TNIK: variants seen among roughly 807,000 people sequenced by gnomAD.
The protein encoded by TNIK is TRAF2 and NCK interacting kinase.
Under a neutral mutation model 191.3 loss-of-function variants are expected in TNIK, and 49 were observed. That is an observed-to-expected ratio of 0.26 (90% CI 0.20 to 0.32). The LOEUF (loss-of-function observed/expected upper bound fraction) is 0.32. Among genes scored for constraint, TNIK ranks in the 10% least tolerant of loss-of-function variants. TNIK has a pLI of 1.00. For synonymous variants in TNIK, 594 were observed against 600.9 expected (o/e 0.99, Z 0.17); for missense variants, 1,155 against 1,702.3 (o/e 0.68, Z 5.66).
intron 2 of TNIK, among the ~76,000 whole-genome samples, chr3:171,326,954 G>A (rs1167763452): frequency 1.3e-5 from 2 of 152,064 alleles, no homozygotes; most frequent in East Asian, 3.9e-4. Context: ...ACTCCTACAG[G>A]ATGCCTACCC....
At chr3:171,350,472 C>T (rs1712968349) in intron 2 of TNIK, among the ~76,000 whole-genome samples, 2 of 151,840 alleles carry the variant, frequency 1.3e-5, no homozygotes, top group Non-Finnish European at 2.9e-5. Flanking sequence ...ATGCCACATT[C>T]AAATATTTTC....
At chr3:171,185,767 C>T (rs138968400) in intron 7 of TNIK, among the ~76,000 whole-genome samples, 7 of 152,322 alleles carry the variant, frequency 4.6e-5, no homozygotes, top group African/African-American at 1.4e-4. Flanking sequence ...ATCTTAGACA[C>T]ATCAAAAAAT....
intron 1 of TNIK, among the ~76,000 whole-genome samples, chr3:171,454,972 GAA>G (rs1728623082): frequency 6.6e-6 from 1 of 152,166 alleles, no homozygotes; most frequent in South Asian, 2.1e-4. Context: ...CATAAAGAGA[GAA>G]AACTTTTTTT....
At chr3:171,342,209 G>C (rs1475352427) in intron 2 of TNIK, among the ~76,000 whole-genome samples, 2 of 152,200 alleles carry the variant, frequency 1.3e-5, no homozygotes, top group East Asian at 3.8e-4. Context: ...ACAAACAGCT[G>C]GGTCCCAATC....
chr3:171,089,102 A>C (rs1446606584), intron 23 of TNIK, among the ~76,000 whole-genome samples: 1 of 152,154 alleles, frequency 6.6e-6, no homozygotes, highest in African/African-American at 2.4e-5. Flanking sequence ...AGCTCCTGTA[A>C]TGGTGCATGT....
At chr3:171,161,142 G>C in intron 11 of TNIK, 128 bp downstream of exon 11, 1 of 834,232 alleles carries the variant, frequency 1.2e-6, no homozygotes, top group Non-Finnish European at 1.8e-6. Flanking sequence ...ATGTTCATGG[G>C]CAATAAATTA....
intron 9 of TNIK, among the ~76,000 whole-genome samples, chr3:171,171,494 A>G (rs779720234): frequency 1.3e-5 from 2 of 152,242 alleles, no homozygotes; most frequent in African/African-American, 2.4e-5. Flanking sequence ...GCACACCTGC[A>G]TCTGAAGCAT....
chr3:171,220,897 A>G (rs1227538286), intron 3 of TNIK, among the ~76,000 whole-genome samples: 2 of 152,196 alleles, frequency 1.3e-5, no homozygotes, highest in Non-Finnish European at 2.9e-5. Flanking sequence ...TGTATCTAAC[A>G]TGTGAGCATA....
At chr3:171,426,368 A>T (rs971188831) in intron 1 of TNIK, among the ~76,000 whole-genome samples, 16 of 137,124 alleles carry the variant, frequency 1.2e-4, no homozygotes, top group African/African-American at 4.4e-4. Context: ...GAACACTCGG[A>T]CACAGGAAGG....
At chr3:171,262,973 A>G (rs1747830041) in intron 2 of TNIK, among the ~76,000 whole-genome samples, 1 of 152,168 alleles carries the variant, frequency 6.6e-6, no homozygotes, top group South Asian at 2.1e-4. Context: ...AGCCCTTTTC[A>G]TAGTGCTGGA....
At chr3:171,071,387 TAATG>T (rs1289512658) in intron 28 of TNIK, 64 bp from the exon 29 acceptor site, 1 of 1,130,108 alleles carries the variant, frequency 8.8e-7, no homozygotes, top group Non-Finnish European at 1.3e-6. Flanking sequence ...GTATTAATAT[TAATG>T]AATGTATAAG....
In TNIK at chr3:171,140,382, C is replaced by A; in HGVS notation, c.1332+17G>T. The A allele has an allele frequency of 6.5e-7, 1 of 1,532,260 alleles. No individual in the cohort carries two copies. The highest frequency in any genetic ancestry group is 1.3e-5 in the South Asian group (1 of 78,726). 94.9% of individuals were successfully genotyped at this position (1,532,260 alleles called of 1,614,324 possible). On this transcript the variant is annotated intron_variant, in intron 13 of 32. Transcript: ENST00000436636. ...TCCCCGGGGGGCCATCAGTGGGGCT[C>A]CTGGTCCCAGCTGTACCTGTTCATG...
intron 2 of TNIK, among the ~76,000 whole-genome samples, chr3:171,332,346 T>A (rs1474383553): frequency 6.6e-6 from 1 of 152,260 alleles, no homozygotes; most frequent in Non-Finnish European, 1.5e-5. Context: ...AACAATATAA[T>A]TGTGCATAAA....
chr3:171,060,703 G>A lies in TNIK; in HGVS notation c.*3178C>T, dbSNP rs1257474814. ...CTGGCTGGAACTGGCAGGGGGAAGAGCCTCATTATTTGAAGGAACTTCACT... is the reference window on the plus strand; with the variant it reads ...CTGGCTGGAACTGGCAGGGGGAAGAACCTCATTATTTGAAGGAACTTCACT... On this transcript the variant is annotated 3_prime_UTR_variant, in exon 33 of 33. Coordinates refer to ENST00000436636, the MANE Select transcript of TNIK (RefSeq NM_015028.4). Among the ~76,000 whole-genome samples the A allele has an allele frequency of 1.3e-5, 2 of 152,156 alleles. No homozygotes were observed. The highest frequency in any genetic ancestry group is 4.8e-5 in the African/African-American group (2 of 41,444).
intron 1 of TNIK, among the ~76,000 whole-genome samples, chr3:171,412,675 G>A (rs576237839): frequency 1.3e-5 from 2 of 152,288 alleles, no homozygotes; most frequent in East Asian, 3.9e-4. Context: ...ATAGAAGAAG[G>A]AGCAGGGCTT....
At chr3:171,070,306 C>T (rs1280209192) in intron 29 of TNIK, among the ~76,000 whole-genome samples, 1 of 152,088 alleles carries the variant, frequency 6.6e-6, no homozygotes, top group Non-Finnish European at 1.5e-5. Context: ...TGAAGTGGGC[C>T]TACATGGTGT....
chr3:171,084,464 TAC>T (rs1020689617), intron 25 of TNIK, 139 bp from the exon 26 acceptor site: 1 of 1,030,856 alleles, frequency 9.7e-7, no homozygotes, highest in African/African-American at 1.6e-5. Context: ...CTCCTTATTT[TAC>T]ACTTTTTTTT....
In TNIK at chr3:171,460,186, C is replaced by A. The variant is rs967500786; in HGVS notation, c.-123G>T. The A allele has an allele frequency of 8.1e-7, 1 of 1,234,870 alleles. No individual in the cohort carries two copies. The highest frequency in any genetic ancestry group is 1.1e-6 in the Non-Finnish European group (1 of 880,276). The allele number at this position is 1,234,870 out of a possible 1,614,324, so 76.5% of individuals were successfully genotyped here. A position where few individuals can be genotyped will look rare whatever the true frequency, so the allele number is the denominator to read the frequency against. On this transcript the variant is annotated 5_prime_UTR_variant, in exon 1 of 33. Coordinates refer to ENST00000436636, the MANE Select transcript of TNIK (RefSeq NM_015028.4). The surrounding 1 kb of genome is among the most constrained non-coding windows in gnomAD (Gnocchi z 6.8). ...GTCGCGCCAGAGGCCCCGGGCCCAG[C>A]CTCCCCCGCCCACCCCAGCCCCACA...
intron 2 of TNIK, among the ~76,000 whole-genome samples, chr3:171,303,256 GCCCTGCCT>G (rs2108276422): frequency 6.6e-6 from 1 of 152,224 alleles, no homozygotes; most frequent in South Asian, 2.1e-4. Context: ...GAGACAGTCA[GCCCTGCCT>G]CTTTCTATGC....
Sources: gnomAD v4.1 joint callset for allele counts (sites outside exome capture counted in the v4.1 genomes callset) on GRCh38, gnomAD v4.1.1 for gene constraint, Gnocchi (gnomAD v3.1) non-coding constraint, MANE v1.5 for transcripts, NCBI Gene and HGNC (gene_info 2026-07-23, HGNC 2026-07-21) for gene names.